Variants in MYCBP2 observed in about 807,000 individuals in gnomAD.
MYCBP2 encodes the protein E3 ubiquitin-protein ligase MYCBP2.
In MYCBP2, 120 loss-of-function variants were observed where a neutral mutation model predicts 525.3. The observed-to-expected ratio is 0.23, with a 90% CI of 0.20 to 0.27. MYCBP2 has a LOEUF of 0.27. MYCBP2 is among the 10% of genes least tolerant of loss of function. The pLI is 1.00. For synonymous variants in MYCBP2, 1,894 were observed against 1,955.8 expected, an observed-to-expected ratio of 0.97 and a Z score of 0.83; for missense variants, 4,149 against 5,657.1, an observed-to-expected ratio of 0.73 and a Z score of 8.55.
intron 44 of MYCBP2, among the ~76,000 whole-genome samples, chr13:77,159,165 T>C (rs1053863968): frequency 2.0e-5 from 3 of 152,216 alleles, no homozygotes; most frequent in Non-Finnish European, 4.4e-5. Context: ...GGACAAATTA[T>C]TTGCTGTGTG....
chr13:77,169,351 G>A (rs1185315179), intron 39 of MYCBP2, among the ~76,000 whole-genome samples: 5 of 145,346 alleles, frequency 3.4e-5, no homozygotes, highest in African/African-American at 5.1e-5. Context: ...AGCGGAGATC[G>A]CGCCACAGCA....
chr13:77,243,981 A>G, intron 15 of MYCBP2, 30 bp from the exon 16 acceptor site: 3 of 1,493,184 alleles, frequency 2.0e-6, no homozygotes, highest in African/African-American at 2.9e-5. Context: ...AAAAAAAAAA[A>G]GACAACTGAG....
chr13:77,273,776 T>C (rs2075184692), intron 4 of MYCBP2, 108 bp from the exon 5 acceptor site: 2 of 813,432 alleles, frequency 2.5e-6, no homozygotes, highest in African/African-American at 1.8e-5. Flanking sequence ...TTAAGGAATC[T>C]AGAACAATTA....
chr13:77,184,959 G>T, intron 32 of MYCBP2, 144 bp downstream of exon 32: 1 of 793,466 alleles, frequency 1.3e-6, no homozygotes, highest in Non-Finnish European at 1.9e-6. Context: ...TTTAAACTTT[G>T]CTTATATAAG....
At chr13:77,112,309 T>C (rs1594645771) in intron 55 of MYCBP2, among the ~76,000 whole-genome samples, 2 of 146,676 alleles carry the variant, frequency 1.4e-5, no homozygotes, top group East Asian at 3.9e-4. Flanking sequence ...ATAAAATATA[T>C]ATTTTATATA....
intron 15 of MYCBP2, among the ~76,000 whole-genome samples, chr13:77,245,778 CACACA>C (rs746771679): frequency 9.3e-6 from 1 of 107,300 alleles, no homozygotes; most frequent in Admixed American, 9.6e-5. Flanking sequence ...CACACACACA[CACACA>C]AAGGAAATAA....
At chr13:77,205,702 G>A in intron 24 of MYCBP2, 104 bp from the exon 25 acceptor site, 1 of 935,058 alleles carries the variant, frequency 1.1e-6, no homozygotes, top group East Asian at 2.8e-5. Flanking sequence ...AATAAACTCA[G>A]AATGTTACTC....
At chr13:77,198,217 C>T (rs899523361) in intron 26 of MYCBP2, among the ~76,000 whole-genome samples, 2 of 152,188 alleles carry the variant, frequency 1.3e-5, no homozygotes, top group Admixed American at 6.5e-5. Context: ...ATATGTGCTA[C>T]AAGAGTCCTA....
intron 28 of MYCBP2, among the ~76,000 whole-genome samples, 198 bp downstream of exon 28, chr13:77,191,481 T>A (rs1284196038): frequency 1.3e-5 from 2 of 152,354 alleles, no homozygotes; most frequent in East Asian, 3.9e-4. Flanking sequence ...AGGAGCAAAG[T>A]ACAGTGGTCT....
chr13:77,097,560 A>G lies in MYCBP2; in HGVS notation c.9594T>C (p.Cys3198=). 1 of 1,612,420 alleles carries G rather than the reference A, an allele frequency of 6.2e-7. No individual in the cohort carries two copies. The highest frequency in any genetic ancestry group is 1.7e-5 in the Admixed American group (1 of 59,710). ...TTTTGGACTTCTTATTCTCTTTCTC[A>G]CACTCTTTCTTTTTAAGAACTGCAC... ...GSCAVLKKKE[C]EKENKKSKKE... The change falls in exon 56 of 83, where the codon TGT becomes TGC. Residue 3198 remains cysteine, a synonymous_variant. Coordinates refer to ENST00000544440, the MANE Select transcript of MYCBP2 (RefSeq NM_015057.5).
chr13:77,088,909 G>T lies in MYCBP2; in HGVS notation c.10648C>A (p.His3550Asn). 1 of 1,613,374 alleles carries T rather than the reference G, an allele frequency of 6.2e-7. No homozygotes were observed. Among genetic ancestry groups the T allele is most frequent in the South Asian group, 1.1e-5 (1 of 91,044 alleles). ...QWPVLAFVIQ[H>N]HDLEGLEIAM... ...ATTTCAAGACCTTCTAGATCATGAT[G>T]TTGTATAACAAAAGCTAAAACTGGC... The change falls in exon 61 of 83, where the codon CAT (histidine) becomes AAT (asparagine). Residue 3550 changes from histidine (H) to asparagine (N), a missense_variant. His to Asn is a moderately conservative substitution (Grantham distance 68). Coordinates refer to ENST00000544440, the MANE Select transcript of MYCBP2 (RefSeq NM_015057.5).
chr13:77,297,422 A>G (rs1455160060), intron 1 of MYCBP2, among the ~76,000 whole-genome samples: 1 of 152,202 alleles, frequency 6.6e-6, no homozygotes, highest in Non-Finnish European at 1.5e-5. Context: ...TGATCTAACA[A>G]GAGGATACTA....
At chr13:77,206,036 G>C (rs2063292871) in intron 24 of MYCBP2, among the ~76,000 whole-genome samples, 1 of 152,110 alleles carries the variant, frequency 6.6e-6, no homozygotes, top group Non-Finnish European at 1.5e-5. Flanking sequence ...TTATGATATG[G>C]TAATTATATT....
At chr13:77,188,914 G>C (rs761534005) in intron 30 of MYCBP2, 37 bp downstream of exon 30, 1 of 1,459,602 alleles carries the variant, frequency 6.9e-7, no homozygotes, top group Non-Finnish European at 9.4e-7. Flanking sequence ...TCTGAGGACT[G>C]AAGAGAAAAG....
In MYCBP2 at chr13:77,164,120, A is replaced by C. The variant is rs541592811; in HGVS notation, c.6547+334T>G. On this transcript the variant is annotated intron_variant, in intron 43 of 82. Transcript: ENST00000544440. ...CAATGAGTATTCAGTTGTCTACTTG[A>C]TATTTCCACTAGAATATTTAAGAAA... is the stretch of plus-strand genomic sequence containing the variant. 2.8e-3 allele frequency among the ~76,000 whole-genome samples: 430 copies of C among 152,264 alleles called. 1 individual carries two copies. Among genetic ancestry groups the C allele is most frequent in the Non-Finnish European group, 4.4e-3 (300 of 68,020 alleles).
intron 37 of MYCBP2, among the ~76,000 whole-genome samples, chr13:77,173,759 G>T (rs993581735): frequency 6.6e-6 from 1 of 152,194 alleles, no homozygotes; most frequent in Non-Finnish European, 1.5e-5. Flanking sequence ...TTATTTAAAA[G>T]ATTTTTTTAA....
chr13:77,052,737 C>A (rs889586989), intron 80 of MYCBP2, among the ~76,000 whole-genome samples: 1 of 152,072 alleles, frequency 6.6e-6, no homozygotes, highest in Admixed American at 6.5e-5. Context: ...TACTGTAGAA[C>A]AAAATATACA....
chr13:77,057,406 A>G (rs1312388639), intron 78 of MYCBP2, among the ~76,000 whole-genome samples: 1 of 152,210 alleles, frequency 6.6e-6, no homozygotes, highest in African/African-American at 2.4e-5. Context: ...CAGAAAGAAG[A>G]AGAAATTACT....
chr13:77,153,244 A>G (rs1252620323), intron 46 of MYCBP2, among the ~76,000 whole-genome samples: 2 of 152,160 alleles, frequency 1.3e-5, no homozygotes, highest in Non-Finnish European at 2.9e-5. Flanking sequence ...AGCCATCCAC[A>G]GACAACAAAG....
Sources: gnomAD v4.1 joint callset for allele counts (sites outside exome capture counted in the v4.1 genomes callset) on GRCh38, gnomAD v4.1.1 for gene constraint, MANE v1.5 for transcripts, NCBI Gene and HGNC (gene_info 2026-07-23, HGNC 2026-07-21) for gene names.